Variants in SNTB1 observed in about 807,000 individuals in gnomAD.
SNTB1 encodes the protein syntrophin beta 1.
SNTB1 carries 36 observed loss-of-function variants against 48.9 expected under a neutral mutation model. That is an observed-to-expected ratio of 0.74 (90% CI 0.56 to 0.97). The LOEUF is 0.97. Ranked by LOEUF, SNTB1 falls within the 50% of genes least tolerant of loss-of-function variation. The probability of loss-of-function intolerance (pLI) is 0.00; values close to 1 mark genes in which losing one functional copy is unlikely to be tolerated. For synonymous variants in SNTB1, 299 were observed against 294.6 expected, an observed-to-expected ratio of 1.01 and a Z score of -0.15; for missense variants, 786 against 703.4, an observed-to-expected ratio of 1.12 and a Z score of -1.33.
chr8:120,799,732 T>A (rs896546711), intron 1 of SNTB1, among the ~76,000 whole-genome samples: 1 of 151,962 alleles, frequency 6.6e-6, no homozygotes, highest in Admixed American at 6.6e-5. Flanking sequence ...GGTCCCAATT[T>A]TCTGGGTAAA....
chr8:120,634,234 C>T (rs564373919), intron 2 of SNTB1, among the ~76,000 whole-genome samples: 19 of 152,214 alleles, frequency 1.2e-4, no homozygotes, highest in East Asian at 3.9e-4. Flanking sequence ...TACAGGGATT[C>T]GGAAATTCAA....
At chr8:120,685,540 T>C (rs1818016224) in intron 2 of SNTB1, among the ~76,000 whole-genome samples, 1 of 152,222 alleles carries the variant, frequency 6.6e-6, no homozygotes, top group South Asian at 2.1e-4. Context: ...AGCAGAGTCA[T>C]TAAATTGTTC....
chr8:120,561,894 C>A (rs1476107823), intron 4 of SNTB1, among the ~76,000 whole-genome samples: 2 of 152,294 alleles, frequency 1.3e-5, no homozygotes, highest in South Asian at 4.1e-4. Flanking sequence ...ATTCCTACCC[C>A]AAAGAGGAAG....
chr8:120,584,616 T>C (rs1282116362), intron 3 of SNTB1, among the ~76,000 whole-genome samples: 2 of 151,950 alleles, frequency 1.3e-5, no homozygotes, highest in Non-Finnish European at 2.9e-5. Context: ...GGAGTGAACA[T>C]GTATGACAGT....
chr8:120,607,589 T>C (rs941593494), intron 3 of SNTB1, among the ~76,000 whole-genome samples: 1 of 152,204 alleles, frequency 6.6e-6, no homozygotes, highest in Non-Finnish European at 1.5e-5. Flanking sequence ...AGACTTGTTA[T>C]CTTGAAAACC....
At chr8:120,644,631 A>C (rs1003222758) in intron 2 of SNTB1, among the ~76,000 whole-genome samples, 1 of 152,078 alleles carries the variant, frequency 6.6e-6, no homozygotes, top group Non-Finnish European at 1.5e-5. Flanking sequence ...ATGCGTGTGC[A>C]TGTGTCTTTA....
chr8:120,617,680 A>G (rs939801984), intron 3 of SNTB1, among the ~76,000 whole-genome samples: 1 of 152,134 alleles, frequency 6.6e-6, no homozygotes, highest in African/African-American at 2.4e-5. Context: ...TGGTGGGCAT[A>G]ATAGCGTGTC....
At chr8:120,604,723 T>C (rs574688227) in intron 3 of SNTB1, among the ~76,000 whole-genome samples, 1 of 152,202 alleles carries the variant, frequency 6.6e-6, no homozygotes, top group Non-Finnish European at 1.5e-5. Flanking sequence ...AGTGGTGGGA[T>C]TGCAGGTGTG....
intron 1 of SNTB1, among the ~76,000 whole-genome samples, chr8:120,752,811 G>A (rs142660552): frequency 0.01 from 1,567 of 151,998 alleles, 6 homozygotes; most frequent in Non-Finnish European, 0.017. Flanking sequence ...ATAGGCACAG[G>A]GGCCTACTTG....
chr8:120,755,023 T>C (rs923430230), intron 1 of SNTB1, among the ~76,000 whole-genome samples: 1 of 152,092 alleles, frequency 6.6e-6, no homozygotes, highest in African/African-American at 2.4e-5. Context: ...AACCTTTGTA[T>C]CCGAGGCAAT....
At chr8:120,710,377 G>A (rs976758726) in intron 1 of SNTB1, among the ~76,000 whole-genome samples, 16 of 152,184 alleles carry the variant, frequency 1.1e-4, no homozygotes, top group African/African-American at 3.9e-4. Flanking sequence ...TTATGTGGCT[G>A]ATAGCTGCAC....
chr8:120,799,688 C>T (rs941587056), intron 1 of SNTB1, among the ~76,000 whole-genome samples: 2 of 151,962 alleles, frequency 1.3e-5, no homozygotes, highest in Non-Finnish European at 2.9e-5. Flanking sequence ...ATAGGATTTC[C>T]GCATGCAGAT....
chr8:120,671,106 C>T (rs565000330), intron 2 of SNTB1, among the ~76,000 whole-genome samples: 3 of 152,192 alleles, frequency 2.0e-5, no homozygotes. Flanking sequence ...GATTTCCAGG[C>T]CCCTTTTTTT....
intron 1 of SNTB1, among the ~76,000 whole-genome samples, chr8:120,777,159 T>C (rs1377357125): frequency 1.3e-5 from 2 of 152,234 alleles, no homozygotes. Flanking sequence ...GTGTACTTCA[T>C]ACATGTTTTT....
intron 1 of SNTB1, among the ~76,000 whole-genome samples, chr8:120,743,025 A>T (rs1319398201): frequency 1.3e-5 from 2 of 152,208 alleles, no homozygotes; most frequent in African/African-American, 4.8e-5. Flanking sequence ...GATATTTAGA[A>T]AAAAGTAAAG....
intron 1 of SNTB1, among the ~76,000 whole-genome samples, chr8:120,794,719 T>A (rs948228765): frequency 1.3e-5 from 2 of 152,008 alleles, no homozygotes; most frequent in African/African-American, 4.8e-5. Flanking sequence ...TCATTCCTTA[T>A]CCTTTTGCCC....
chr8:120,752,286 A>G (rs1819232321), intron 1 of SNTB1, among the ~76,000 whole-genome samples: 1 of 152,150 alleles, frequency 6.6e-6, no homozygotes, highest in South Asian at 2.1e-4. Context: ...ATATGCATAT[A>G]TCATATATAT....
In SNTB1 at chr8:120,552,981, C is replaced by T. The variant is rs150146002; in HGVS notation, c.1137-4023G>A. 1.2e-3 allele frequency among the ~76,000 whole-genome samples: 185 copies of T among 152,086 alleles called. 1 individual carries two copies. The highest frequency in any genetic ancestry group is 4.1e-3 in the African/African-American group (171 of 41,496). On this transcript the variant is annotated intron_variant, in intron 4 of 6. Transcript: ENST00000517992. ...AGTTAGAACTCTTGCGAGAATCTAA[C>T]GCTGCAGCTGATCTGACAGGAGGCA...
intron 2 of SNTB1, among the ~76,000 whole-genome samples, chr8:120,634,472 G>A (rs187413440): frequency 2.6e-4 from 39 of 152,286 alleles, no homozygotes; most frequent in African/African-American, 8.7e-4. Flanking sequence ...AGGCCACACC[G>A]TTGGTGATGC....
Sources: gnomAD v4.1 joint callset for allele counts (sites outside exome capture counted in the v4.1 genomes callset) on GRCh38, gnomAD v4.1.1 for gene constraint, MANE v1.5 for transcripts, NCBI Gene and HGNC (gene_info 2026-07-23, HGNC 2026-07-21) for gene names.